HHAT: variants seen among roughly 807,000 people sequenced by gnomAD.
The protein encoded by HHAT is protein-cysteine N-palmitoyltransferase HHAT.
Under a neutral mutation model 70.8 loss-of-function variants are expected in HHAT, and 47 were observed. That is an observed-to-expected ratio of 0.66 (90% CI 0.53 to 0.85). HHAT has a LOEUF of 0.85. Ranked by LOEUF, HHAT falls within the 40% of genes least tolerant of loss-of-function variation. HHAT has a pLI of 0.00. For synonymous variants in HHAT, 228 were observed against 247.6 expected (o/e 0.92, Z 0.74); for missense variants, 609 against 604.8 (o/e 1.01, Z -0.07).
chr1:210,627,279 T>C (rs1669996874), intron 11 of HHAT, among the ~76,000 whole-genome samples: 1 of 152,090 alleles, frequency 6.6e-6, no homozygotes, highest in African/African-American at 2.4e-5. Flanking sequence ...TACACATGTG[T>C]CTTAAAAGAT....
intron 10 of HHAT, among the ~76,000 whole-genome samples, chr1:210,616,573 G>A (rs186334294): frequency 8.5e-5 from 13 of 152,232 alleles, no homozygotes; most frequent in South Asian, 6.2e-4. Context: ...ATACATGCAC[G>A]ACATATTTGT....
intron 7 of HHAT, among the ~76,000 whole-genome samples, chr1:210,464,066 C>T (rs1412228668): frequency 6.6e-6 from 1 of 151,910 alleles, no homozygotes; most frequent in East Asian, 1.9e-4. Context: ...CAATTGTATT[C>T]TTCTAGTTAT....
At chr1:210,524,528 C>T (rs2095216614) in intron 9 of HHAT, among the ~76,000 whole-genome samples, 1 of 152,042 alleles carries the variant, frequency 6.6e-6, no homozygotes, top group African/African-American at 2.4e-5. Context: ...CTGGGGCTGG[C>T]CAGTAGAGGA....
At chr1:210,551,105 T>G (rs2095523662) in intron 9 of HHAT, among the ~76,000 whole-genome samples, 1 of 148,830 alleles carries the variant, frequency 6.7e-6, no homozygotes, top group East Asian at 2.2e-4. Context: ...GATCTGTGGG[T>G]TTTTATAAAA....
chr1:210,350,336 G>A (rs2086904354), intron 2 of HHAT, among the ~76,000 whole-genome samples: 1 of 152,212 alleles, frequency 6.6e-6, no homozygotes, highest in Non-Finnish European at 1.5e-5. Context: ...TTTCATTGTG[G>A]TTGCATTGAA....
At chr1:210,642,444 T>C (rs1023371826) in intron 11 of HHAT, among the ~76,000 whole-genome samples, 1 of 152,206 alleles carries the variant, frequency 6.6e-6, no homozygotes, top group African/African-American at 2.4e-5. Context: ...AGTTTTCCAG[T>C]GGGGTTGCAC....
At chr1:210,608,273 T>C (rs2148835902) in intron 10 of HHAT, among the ~76,000 whole-genome samples, 1 of 152,344 alleles carries the variant, frequency 6.6e-6, no homozygotes, top group East Asian at 1.9e-4. Context: ...TGTTTTTGTA[T>C]GGCCTGCAGT....
intron 8 of HHAT, among the ~76,000 whole-genome samples, chr1:210,468,680 A>C (rs1054987146): frequency 6.6e-6 from 1 of 152,178 alleles, no homozygotes; most frequent in Admixed American, 6.5e-5. Flanking sequence ...CAGTTCTACA[A>C]ACTGCTGGCT....
chr1:210,623,547 G>A lies in HHAT; in HGVS notation c.1267G>A (p.Ala423Thr). ...GTAGGCCCGATACTTCTCCCCACAA[G>A]CTCGCCGTCGATTCCACGCTGCCCT... ...DSLARYFSPQ[A>T]RRRFHAALAS... The change falls in exon 11 of 12, where the codon GCT becomes ACT. Residue 423 changes from alanine to threonine, a missense_variant. Transcript: ENST00000261458. 1.2e-6 allele frequency: 2 copies of A among 1,613,996 alleles called. No individual in the cohort carries two copies. The highest frequency in any genetic ancestry group is 8.5e-7 in the Non-Finnish European group (1 of 1,179,984).
intron 2 of HHAT, among the ~76,000 whole-genome samples, chr1:210,349,411 C>T (rs766061424): frequency 3.9e-5 from 6 of 152,144 alleles, no homozygotes; most frequent in Middle Eastern, 3.4e-3. Context: ...GATCTGGGTT[C>T]GTTTTGTCTT....
chr1:210,587,500 G>C (rs1193182655), intron 9 of HHAT, among the ~76,000 whole-genome samples: 5 of 152,160 alleles, frequency 3.3e-5, no homozygotes, highest in African/African-American at 4.8e-5. Context: ...TTTGGGTGGG[G>C]TCACAGCCAA....
At chr1:210,339,510 G>A (rs965973002) in intron 1 of HHAT, among the ~76,000 whole-genome samples, 1 of 152,158 alleles carries the variant, frequency 6.6e-6, no homozygotes, top group African/African-American at 2.4e-5. Context: ...TGGTCCTTAA[G>A]GGATGTTGCA....
intron 7 of HHAT, among the ~76,000 whole-genome samples, chr1:210,453,979 G>A (rs144462839): frequency 2.0e-3 from 309 of 152,284 alleles, no homozygotes; most frequent in Non-Finnish European, 3.1e-3. Flanking sequence ...GAGGTGAAAG[G>A]TACTTCTTAC....
At chr1:210,576,476 T>C (rs533881124) in intron 9 of HHAT, among the ~76,000 whole-genome samples, 1 of 122,658 alleles carries the variant, frequency 8.2e-6, no homozygotes, top group Non-Finnish European at 1.6e-5. Context: ...TGAGAACACA[T>C]GGACACAGGA....
At chr1:210,510,524 C>T (rs1213133987) in intron 8 of HHAT, among the ~76,000 whole-genome samples, 2 of 152,084 alleles carry the variant, frequency 1.3e-5, no homozygotes, top group African/African-American at 4.8e-5. Context: ...GGCAGCCATG[C>T]TGGGAGAAGC....
chr1:210,533,888 A>G (rs920710250), intron 9 of HHAT, among the ~76,000 whole-genome samples: 16 of 152,188 alleles, frequency 1.1e-4, no homozygotes, highest in South Asian at 2.1e-4. Context: ...TCCAAGAACA[A>G]AAAAGGCCCG....
At chr1:210,570,777 T>C (rs919561375) in intron 9 of HHAT, among the ~76,000 whole-genome samples, 2 of 152,144 alleles carry the variant, frequency 1.3e-5, no homozygotes, top group African/African-American at 2.4e-5. Flanking sequence ...CTTAAGGCAG[T>C]GCTGTCAAGT....
At chr1:210,648,277 A>G (rs762600114) in intron 11 of HHAT, among the ~76,000 whole-genome samples, 6 of 152,212 alleles carry the variant, frequency 3.9e-5, no homozygotes, top group Non-Finnish European at 7.3e-5. Context: ...TCAATGTCTG[A>G]GCCAATTTTG....
chr1:210,579,843 T>C lies in HHAT; in HGVS notation c.1044-8055T>C, dbSNP rs140830575. Among the ~76,000 whole-genome samples the C allele has an allele frequency of 3.7e-3, 560 of 152,310 alleles. 6 individuals carry two copies. The highest frequency in any genetic ancestry group is 0.013 in the African/African-American group (523 of 41,568). On this transcript the variant is annotated intron_variant, in intron 9 of 11. Coordinates refer to ENST00000261458, the MANE Select transcript of HHAT (RefSeq NM_018194.6). ...CTTTCTGTGAGAAAGATAGAGCTTT[T>C]GTGAAGCCAGAGTTTGGGTTTTGAA...
Sources: gnomAD v4.1 joint callset for allele counts (sites outside exome capture counted in the v4.1 genomes callset) on GRCh38, gnomAD v4.1.1 for gene constraint, MANE v1.5 for transcripts, NCBI Gene and HGNC (gene_info 2026-07-23, HGNC 2026-07-21) for gene names.